Variants in GPT2 observed in about 807,000 individuals in gnomAD.
The protein encoded by GPT2 is alanine aminotransferase 2.
Under a neutral mutation model 56.9 loss-of-function variants are expected in GPT2, and 30 were observed. The ratio of observed to expected loss-of-function variants is 0.53; its 90% CI spans 0.39 to 0.72. GPT2 has a LOEUF of 0.72. GPT2 is among the 30% of genes least tolerant of loss of function. The pLI is 0.00. For synonymous variants in GPT2, 271 were observed against 283.1 expected, an observed-to-expected ratio of 0.96 and a Z score of 0.43; for missense variants, 542 against 703.4, an observed-to-expected ratio of 0.77 and a Z score of 2.60.
At chr16:46,924,240 G>A in intron 9 of GPT2, 149 bp from the exon 10 acceptor site, 1 of 841,196 alleles carries the variant, frequency 1.2e-6, no homozygotes. Flanking sequence ...GCAAATCTGA[G>A]TCAACGCATG....
At chr16:46,917,682 G>A (rs1961196012) in intron 7 of GPT2, among the ~76,000 whole-genome samples, 1 of 151,828 alleles carries the variant, frequency 6.6e-6, no homozygotes, top group South Asian at 2.1e-4. Flanking sequence ...ACACATAAAT[G>A]CAGACACACA....
intron 8 of GPT2, among the ~76,000 whole-genome samples, chr16:46,919,851 A>AC (rs1596631643): frequency 6.6e-6 from 1 of 152,010 alleles, no homozygotes; most frequent in East Asian, 1.9e-4. Context: ...TCCTGGATGT[A>AC]TTTGAAGGTG....
At chr16:46,922,786 T>C (rs1277782741) in intron 9 of GPT2, among the ~76,000 whole-genome samples, 1 of 152,146 alleles carries the variant, frequency 6.6e-6, no homozygotes, top group African/African-American at 2.4e-5. Context: ...CACCCGCCTC[T>C]GCCAACCTGT....
At chr16:46,895,715 G>A (rs1473685380) in intron 2 of GPT2, among the ~76,000 whole-genome samples, 1 of 152,102 alleles carries the variant, frequency 6.6e-6, no homozygotes, top group Non-Finnish European at 1.5e-5. Flanking sequence ...TAGAGACAAG[G>A]TCTTGGGCAA....
chr16:46,929,165 G>T lies in GPT2; in HGVS notation c.*168G>T, dbSNP rs1290567873. On this transcript the variant is annotated 3_prime_UTR_variant, in exon 12 of 12. Coordinates refer to ENST00000340124, the MANE Select transcript of GPT2 (RefSeq NM_133443.4). ...CTTTCTTTGTGCCTTGATGTTGAGA[G>T]CGCCTCTCTTTTGAGCAAACAAGCA... 42 of 615,042 alleles carry T rather than the reference G, an allele frequency of 6.8e-5. No individual in the cohort carries two copies. The highest frequency in any genetic ancestry group is 1.1e-4 in the Non-Finnish European group (39 of 342,444). The allele number at this position is 615,042 out of a possible 1,614,324, so 38.1% of individuals were successfully genotyped here. A position where few individuals can be genotyped will look rare whatever the true frequency, so the allele number is the denominator to read the frequency against.
At chr16:46,904,819 G>C (rs1026527069) in intron 4 of GPT2, among the ~76,000 whole-genome samples, 9 of 152,122 alleles carry the variant, frequency 5.9e-5, no homozygotes, top group Non-Finnish European at 1.2e-4. Flanking sequence ...TCACCTATTG[G>C]GGGAGGGCTC....
intron 2 of GPT2, among the ~76,000 whole-genome samples, chr16:46,886,980 T>C (rs1406859037): frequency 6.6e-6 from 1 of 152,194 alleles, no homozygotes; most frequent in Non-Finnish European, 1.5e-5. Context: ...CTGTGGGTGC[T>C]GGCCAGACCA....
intron 10 of GPT2, 62 bp downstream of exon 10, chr16:46,924,606 G>A: frequency 3.8e-6 from 6 of 1,580,460 alleles, no homozygotes; most frequent in South Asian, 1.1e-5. Flanking sequence ...CTGGGTTGGG[G>A]GCCCCTGCTT....
At chr16:46,909,509 A>T (rs2143473023) in intron 5 of GPT2, among the ~76,000 whole-genome samples, 175 bp from the exon 6 acceptor site, 1 of 152,114 alleles carries the variant, frequency 6.6e-6, no homozygotes, top group Middle Eastern at 3.4e-3. Flanking sequence ...AGAATGTTGT[A>T]TTTTGCTTAC....
At chr16:46,904,584 G>A (rs1960883912) in intron 4 of GPT2, among the ~76,000 whole-genome samples, 1 of 152,144 alleles carries the variant, frequency 6.6e-6, no homozygotes, top group Non-Finnish European at 1.5e-5. Flanking sequence ...AAACCCAGGA[G>A]CCTCCTTGGA....
chr16:46,905,346 A>G (rs1218168741), intron 4 of GPT2, among the ~76,000 whole-genome samples: 1 of 151,880 alleles, frequency 6.6e-6, no homozygotes, highest in Non-Finnish European at 1.5e-5. Flanking sequence ...ACTGCGCCCG[A>G]CCCCAGTTCA....
chr16:46,915,839 CACCTACACACAT>C (rs1341736908), intron 6 of GPT2: 1 of 149,822 alleles, frequency 6.7e-6, no homozygotes, highest in Non-Finnish European at 1.5e-5. Context: ...CCTACACACA[CACCTACACACAT>C]ACACAGACAC....
intron 2 of GPT2, among the ~76,000 whole-genome samples, chr16:46,886,438 GA>G (rs1196305741): frequency 6.6e-6 from 1 of 152,226 alleles, no homozygotes; most frequent in African/African-American, 2.4e-5. Flanking sequence ...GATGAGGACA[GA>G]AGGGCACTGT....
At chr16:46,916,327 C>T (rs910849761) in intron 6 of GPT2, 4 of 208,124 alleles carry the variant, frequency 1.9e-5, no homozygotes, top group Non-Finnish European at 3.0e-5. Context: ...GCCTGGGTGA[C>T]AGAGCGAGAC....
chr16:46,888,824 A>AT (rs1960532526), intron 2 of GPT2, among the ~76,000 whole-genome samples: 1 of 150,658 alleles, frequency 6.6e-6, no homozygotes, highest in African/African-American at 2.4e-5. Context: ...TAATTTTTAA[A>AT]TTTTTTATAG....
intron 6 of GPT2, 93 bp from the exon 7 acceptor site, chr16:46,916,535 C>A: frequency 1.1e-6 from 1 of 918,012 alleles, no homozygotes; most frequent in Non-Finnish European, 1.8e-6. Flanking sequence ...CAAGGGAACA[C>A]AGGGCACTGA....
intron 4 of GPT2, among the ~76,000 whole-genome samples, chr16:46,905,077 A>G (rs565271793): frequency 1.3e-5 from 2 of 150,202 alleles, no homozygotes; most frequent in Non-Finnish European, 3.0e-5. Flanking sequence ...TTTTTTTTTA[A>G]AGACCGTCTC....
Position 46,922,426 on chromosome 16 carries a change from CTG to C in GPT2, c.1212+13_1212+14del. On this transcript the variant is annotated intron_variant, in intron 9 of 11. Coordinates refer to ENST00000340124, the MANE Select transcript of GPT2 (RefSeq NM_133443.4). ...TGAGCAATTCAGCCGAGTGAGTCCACTGTGATGCGTCTGCACCCCTGTGGCCG... is the reference window on the plus strand; with the variant it reads ...TGAGCAATTCAGCCGAGTGAGTCCACTGATGCGTCTGCACCCCTGTGGCCG... The C allele has an allele frequency of 6.2e-7, 1 of 1,601,106 alleles. No individual in the cohort carries two copies. The highest frequency in any genetic ancestry group is 8.5e-7 in the Non-Finnish European group (1 of 1,173,082).
chr16:46,908,427 C>T (rs1960980743), intron 5 of GPT2, among the ~76,000 whole-genome samples: 2 of 152,132 alleles, frequency 1.3e-5, no homozygotes, highest in African/African-American at 4.8e-5. Flanking sequence ...TCTGCACACG[C>T]CTCCCAGGGC....
Sources: allele counts gnomAD v4.1 joint callset (sites outside exome capture counted in the v4.1 genomes callset), GRCh38; gene constraint gnomAD v4.1.1; transcripts MANE v1.5; gene names NCBI Gene and HGNC (gene_info 2026-07-23, HGNC 2026-07-21).